ARMC3: variants seen among roughly 807,000 people sequenced by gnomAD.
ARMC3 encodes the protein armadillo repeat containing 3, also known as armadillo repeat-containing protein 3.
In ARMC3, 74 loss-of-function variants were observed where a neutral mutation model predicts 90.3. The ratio of observed to expected loss-of-function variants is 0.82; its 90% CI spans 0.68 to 0.99. The LOEUF (loss-of-function observed/expected upper bound fraction) is 0.99. Among genes scored for constraint, ARMC3 ranks in the 50% least tolerant of loss-of-function variants. The probability of loss-of-function intolerance (pLI) is 0.00; values close to 1 mark genes in which losing one functional copy is unlikely to be tolerated. For synonymous variants in ARMC3, 334 were observed against 361.8 expected, an observed-to-expected ratio of 0.92 and a Z score of 0.87; for missense variants, 958 against 1,042.8, an observed-to-expected ratio of 0.92 and a Z score of 1.12.
At chr10:23,012,974 C>T (rs912812756) in intron 16 of ARMC3, among the ~76,000 whole-genome samples, 2 of 151,398 alleles carry the variant, frequency 1.3e-5, no homozygotes, top group Non-Finnish European at 2.9e-5. Flanking sequence ...TTGCAACTTC[C>T]GCCTCCCAGG....
Position 23,030,777 on chromosome 10 carries a change from C to CA in ARMC3, c.2228dup (p.Ile744AspfsTer2). 1 of 1,613,544 alleles carries CA rather than the reference C, an allele frequency of 6.2e-7. No individual in the cohort carries two copies. Among genetic ancestry groups the CA allele is most frequent in the Non-Finnish European group, 8.5e-7 (1 of 1,179,678 alleles). On this transcript the variant is annotated frameshift_variant, in exon 17 of 19. Transcript: ENST00000298032. Reference sequence around the variant, plus strand: ...ACTGCCAATAACCAATATTAAGGAACAGATTGAGGATCTGGCAAAGTAAGT... The same window carrying CA: ...ACTGCCAATAACCAATATTAAGGAACAAGATTGAGGATCTGGCAAAGTAAGT...
chr10:23,000,650 T>G (rs1048192629), intron 11 of ARMC3, among the ~76,000 whole-genome samples: 3 of 152,268 alleles, frequency 2.0e-5, no homozygotes, highest in African/African-American at 7.2e-5. Context: ...GTTAGATTAC[T>G]ATCTCATATT....
At chr10:22,931,940 A>T (rs1833947638) in intron 1 of ARMC3, 56 bp from the exon 2 acceptor site, 2 of 1,449,104 alleles carry the variant, frequency 1.4e-6, no homozygotes, top group Non-Finnish European at 1.9e-6. Flanking sequence ...GGGCACAGGT[A>T]ATTGAGAAAT....
At chr10:22,961,004 C>T (rs1171141) in intron 6 of ARMC3, 99,563 of 152,076 alleles carry the variant, frequency 0.65, 34,540 homozygotes, top group African/African-American at 0.91. Flanking sequence ...TCTTAACTAA[C>T]TGCATCTGCA....
intron 3 of ARMC3, among the ~76,000 whole-genome samples, chr10:22,947,271 A>G (rs1374582923): frequency 2.6e-5 from 4 of 151,596 alleles, no homozygotes; most frequent in African/African-American, 7.3e-5. Context: ...GTGCCACTGC[A>G]CTCCAGCCTG....
At chr10:23,028,398 A>G (rs146520043) in intron 16 of ARMC3, among the ~76,000 whole-genome samples, 147 of 152,198 alleles carry the variant, frequency 9.7e-4, no homozygotes, top group African/African-American at 3.4e-3. Context: ...TTACTTCTTG[A>G]AGCATTTTTA....
intron 2 of ARMC3, among the ~76,000 whole-genome samples, chr10:22,936,125 T>C (rs566820602): frequency 9.8e-5 from 15 of 152,292 alleles, no homozygotes; most frequent in African/African-American, 3.4e-4. Flanking sequence ...ACTAGGCACA[T>C]GTGGTTATTA....
intron 16 of ARMC3, among the ~76,000 whole-genome samples, chr10:23,018,931 C>T (rs12243596): frequency 0.1 from 15,860 of 152,156 alleles, 1,097 homozygotes; most frequent in African/African-American, 0.19. Flanking sequence ...CCCTGCATCT[C>T]CCCTTTTAGA....
intron 13 of ARMC3, among the ~76,000 whole-genome samples, chr10:23,005,103 C>T (rs1377222892): frequency 2.0e-5 from 3 of 151,498 alleles, no homozygotes; most frequent in East Asian, 2.0e-4. Flanking sequence ...GTCCCAGCTA[C>T]TCCGGAGGCT....
At chr10:23,035,835 A>G (rs575260776) in intron 18 of ARMC3, among the ~76,000 whole-genome samples, 1 of 152,178 alleles carries the variant, frequency 6.6e-6, no homozygotes, top group East Asian at 1.9e-4. Flanking sequence ...TGGGCCCCAC[A>G]TCTGCCCTTT....
chr10:23,008,573 C>T (rs535811470), intron 15 of ARMC3, among the ~76,000 whole-genome samples, 199 bp downstream of exon 15: 3 of 152,148 alleles, frequency 2.0e-5, no homozygotes, highest in Non-Finnish European at 4.4e-5. Context: ...TTCTATTTCG[C>T]CCTGTGGACC....
intron 12 of ARMC3, 137 bp downstream of exon 12, chr10:23,002,192 C>A (rs1250289398): frequency 2.3e-6 from 3 of 1,300,754 alleles, no homozygotes; most frequent in Admixed American, 6.1e-5. Flanking sequence ...GTCCCCAGGG[C>A]GGGCCTTGGC....
intron 1 of ARMC3, 24 bp from the exon 2 acceptor site, chr10:22,931,972 A>T (rs377531017): frequency 6.3e-7 from 1 of 1,590,474 alleles, no homozygotes; most frequent in South Asian, 1.1e-5. Flanking sequence ...TGTCACTTTA[A>T]CCATATATTG....
At chr10:22,954,674 G>GA (rs530210965) in intron 3 of ARMC3, among the ~76,000 whole-genome samples, 2,081 of 88,962 alleles carry the variant, frequency 0.023, 29 homozygotes, top group South Asian at 0.056. Flanking sequence ...CCTGTCTCAA[G>GA]AAAAAAAAAA....
intron 3 of ARMC3, among the ~76,000 whole-genome samples, chr10:22,955,569 G>T (rs182549474): frequency 6.6e-6 from 1 of 152,306 alleles, no homozygotes; most frequent in Admixed American, 6.5e-5. Flanking sequence ...CTGCTCCAAG[G>T]AGGTGCAATG....
intron 16 of ARMC3, among the ~76,000 whole-genome samples, chr10:23,018,870 AG>A (rs1838396738): frequency 6.6e-6 from 1 of 152,188 alleles, no homozygotes; most frequent in Non-Finnish European, 1.5e-5. Flanking sequence ...GGAAGAGGAT[AG>A]GCTGCATCCT....
chr10:22,987,963 TC>T (rs1190726563), intron 10 of ARMC3, among the ~76,000 whole-genome samples: 3 of 152,094 alleles, frequency 2.0e-5, no homozygotes, highest in Non-Finnish European at 4.4e-5. Flanking sequence ...GCTGTTGTGT[TC>T]CCTATGGTCA....
intron 6 of ARMC3, 151 bp downstream of exon 6, chr10:22,959,725 T>C: frequency 1.3e-6 from 1 of 753,514 alleles, no homozygotes. Context: ...AAAAAAATAA[T>C]GGAAGCTTAA....
chr10:22,970,049 T>G (rs1353406462), intron 8 of ARMC3, among the ~76,000 whole-genome samples: 1 of 152,216 alleles, frequency 6.6e-6, no homozygotes, highest in Non-Finnish European at 1.5e-5. Flanking sequence ...TTACTCATGA[T>G]TTCTTACTGA....
Sources: allele counts gnomAD v4.1 joint callset (sites outside exome capture counted in the v4.1 genomes callset), GRCh38; gene constraint gnomAD v4.1.1; transcripts MANE v1.5; gene names NCBI Gene and HGNC (gene_info 2026-07-23, HGNC 2026-07-21).